NOD2: variants seen among roughly 807,000 people sequenced by gnomAD.
The protein encoded by NOD2 is nucleotide-binding oligomerization domain-containing protein 2.
A neutral mutation model predicts 90.9 loss-of-function variants in NOD2; 86 were observed. The observed-to-expected ratio is 0.95, with a 90% CI of 0.79 to 1.13. The LOEUF is 1.13. NOD2 is among the 50% of genes most tolerant of loss of function. NOD2 has a pLI of 0.00. For missense variants in NOD2, 1,238 were observed against 1,283.8 expected, an observed-to-expected ratio of 0.96 and a Z score of 0.55; for synonymous variants, 581 against 554.6, an observed-to-expected ratio of 1.05 and a Z score of -0.67.
intron 2 of NOD2, among the ~76,000 whole-genome samples, chr16:50,706,924 C>T (rs990642820): frequency 2.6e-5 from 4 of 151,968 alleles, no homozygotes; most frequent in Admixed American, 2.0e-4. Flanking sequence ...TCTGGAACTC[C>T]GGACCTTAGG....
chr16:50,715,199 C>G (rs368237819), intron 4 of NOD2, among the ~76,000 whole-genome samples: 1 of 152,252 alleles, frequency 6.6e-6, no homozygotes. Flanking sequence ...GGCAAAGTCA[C>G]TTCGCTTGTC....
chr16:50,697,284 A>C, intron 1 of NOD2: 1 of 1,560,582 alleles, frequency 6.4e-7, no homozygotes, highest in Non-Finnish European at 8.7e-7. Flanking sequence ...GATGAGGAGG[A>C]AAGAGCAAGT....
Position 50,725,561 on chromosome 16 carries a change from G to T in NOD2, c.2874G>T (p.Leu958Phe). ...AAGGACTGAAGAAAAATTCAAGTTT[G>T]AAAATCCTGAAGTAAGGAACCCATA... Reference protein sequence around the residue: ...LAEGLKKNSSLKILKLSNNCI... With the variant: ...LAEGLKKNSSFKILKLSNNCI... Residue 958 changes from leucine (L) to phenylalanine (F), a missense_variant, in exon 10 of 12, where the codon TTG becomes TTT. By Grantham distance (22) the Leu-to-Phe change is conservative. This residue lies in a region of NOD2 where 667 missense variants were observed against 688.7 expected (regional missense o/e 0.97). Transcript: ENST00000647318. 6.2e-7 allele frequency: 1 copy of T among 1,613,452 alleles called. No homozygotes were observed. Among genetic ancestry groups the T allele is most frequent in the Non-Finnish European group, 8.5e-7 (1 of 1,179,382 alleles).
chr16:50,717,077 C>A, intron 6 of NOD2, 103 bp downstream of exon 6: 1 of 960,850 alleles, frequency 1.0e-6, no homozygotes, highest in Non-Finnish European at 1.7e-6. Context: ...GGCTCCTGAC[C>A]TCCTGATTGA....
In NOD2 at chr16:50,708,804, C is replaced by T. The variant is rs148811839; in HGVS notation, c.565+844C>T. Among the ~76,000 whole-genome samples, 104 of 152,266 alleles carry T rather than the reference C, an allele frequency of 6.8e-4. 1 individual carries two copies. Among genetic ancestry groups the T allele is most frequent in the East Asian group, 3.3e-3 (17 of 5,186 alleles). ...TCTGGGCAGCAAGCAAGCCTGTGGG[C>T]GGGGTGGCTGGAAGTCTGTGCCTGG... On this transcript the variant is annotated intron_variant, in intron 3 of 11. Transcript: ENST00000647318.
intron 1 of NOD2, among the ~76,000 whole-genome samples, chr16:50,693,911 T>G (rs1245497402): frequency 1.3e-5 from 2 of 152,014 alleles, no homozygotes; most frequent in African/African-American, 4.8e-5. Context: ...GGGACTCAGT[T>G]TCCCCAGCTT....
chr16:50,731,713 T>C, intron 11 of NOD2, 34 bp from the exon 12 acceptor site: 1 of 1,494,650 alleles, frequency 6.7e-7, no homozygotes, highest in Non-Finnish European at 9.3e-7. Context: ...AATTTTGTCC[T>C]CACTCAAACC....
chr16:50,716,869 C>T (rs1567399190), intron 5 of NOD2, 22 bp from the exon 6 acceptor site: 16 of 1,611,484 alleles, frequency 9.9e-6, no homozygotes, highest in South Asian at 2.2e-5. Flanking sequence ...TTCTGTGTCT[C>T]CTCTCTTCTG....
chr16:50,725,694 C>A, intron 10 of NOD2, 122 bp downstream of exon 10: 1 of 780,940 alleles, frequency 1.3e-6, no homozygotes, highest in Non-Finnish European at 2.3e-6. Flanking sequence ...GGTAGAACAG[C>A]TTGCCTTGGT....
rs1445272849 is a variant in NOD2, at chr16:50,700,011, A to G, written c.459+57A>G. 3.3e-6 allele frequency: 5 copies of G among 1,499,212 alleles called. No homozygotes were observed. In the African/African-American group the frequency reaches 5.5e-5, roughly 16 times the overall value. 92.9% of individuals were successfully genotyped at this position (1,499,212 alleles called of 1,614,324 possible). On this transcript the variant is annotated intron_variant, in intron 2 of 11. Transcript: ENST00000647318. Reference sequence around the variant, plus strand: ...CTCAGGAAAGGGGTGCTTAGTCACCAAGACTGATTTGTCCTCATGAAGTCA... The same window carrying G: ...CTCAGGAAAGGGGTGCTTAGTCACCGAGACTGATTTGTCCTCATGAAGTCA...
intron 6 of NOD2, among the ~76,000 whole-genome samples, 179 bp downstream of exon 6, chr16:50,717,153 G>A (rs1344734545): frequency 2.0e-5 from 3 of 152,224 alleles, no homozygotes; most frequent in African/African-American, 4.8e-5. Context: ...AGTAAACTCT[G>A]GACTAGCTCT....
chr16:50,697,233 A>G (rs985096450), intron 1 of NOD2: 8 of 1,553,856 alleles, frequency 5.1e-6, no homozygotes, highest in Non-Finnish European at 7.0e-6. Flanking sequence ...CCCCCAGCCT[A>G]ATGGGCTTTG....
At chr16:50,710,441 C>CCGCTGGCT in intron 3 of NOD2, 117 bp from the exon 4 acceptor site, 1 of 1,423,128 alleles carries the variant, frequency 7.0e-7, no homozygotes, top group South Asian at 1.2e-5. Context: ...GGATGGGCGC[C>CCGCTGGCT]CGCTGGCTCT....
intron 1 of NOD2, chr16:50,696,315 G>T (rs1189442526): frequency 6.6e-6 from 1 of 152,404 alleles, no homozygotes; most frequent in Middle Eastern, 3.4e-3. Flanking sequence ...GCCCACGTGG[G>T]TCGCCCCTTG....
chr16:50,698,929 CTTT>C (rs535158696), intron 1 of NOD2, among the ~76,000 whole-genome samples: 4 of 140,834 alleles, frequency 2.8e-5, no homozygotes, highest in Non-Finnish European at 4.7e-5. Flanking sequence ...CTCTCTCTGT[CTTT>C]TTTTTTTTTT....
At chr16:50,727,617 G>T in intron 10 of NOD2, 1 of 300,102 alleles carries the variant, frequency 3.3e-6, no homozygotes, top group Admixed American at 3.8e-5. Flanking sequence ...TTGAAGAAAT[G>T]GTAGTCAGTT....
chr16:50,704,620 A>C, intron 2 of NOD2, among the ~76,000 whole-genome samples: 1 of 149,216 alleles, frequency 6.7e-6, no homozygotes. Flanking sequence ...TGCAACCTCC[A>C]CCTCCTGGGT....
At chr16:50,699,418 C>G (rs1963817782) in intron 1 of NOD2, 70 bp from the exon 2 acceptor site, 1 of 1,374,282 alleles carries the variant, frequency 7.3e-7, no homozygotes, top group Non-Finnish European at 1.0e-6. Context: ...CTGACTTGCC[C>G]TGGCCTTCCC....
chr16:50,719,632 G>A (rs1288708863), intron 6 of NOD2: 3 of 534,658 alleles, frequency 5.6e-6, no homozygotes, highest in African/African-American at 1.9e-5. Context: ...AGTCACCCTC[G>A]CTGTCCCGGG....
Sources: gnomAD v4.1 joint callset for allele counts (sites outside exome capture counted in the v4.1 genomes callset) on GRCh38, gnomAD v4.1.1 for gene constraint, gnomAD v4.1.1 regional missense constraint, MANE v1.5 for transcripts, NCBI Gene and HGNC (gene_info 2026-07-23, HGNC 2026-07-21) for gene names.